The following CAND1 variants were observed in gnomAD, a reference collection of about 807,000 sequenced individuals.
The protein encoded by CAND1 is cullin associated and neddylation dissociated 1.
In CAND1, 7 loss-of-function variants were observed where a neutral mutation model predicts 108.5. The ratio of observed to expected loss-of-function variants is 0.06; its 90% CI spans 0.04 to 0.12. The LOEUF (loss-of-function observed/expected upper bound fraction) is 0.12, where lower values mean the gene tolerates loss of function less well. Among genes scored for constraint, CAND1 ranks in the 10% least tolerant of loss-of-function variants. The pLI is 1.00. For missense variants in CAND1, 941 were observed against 1,448.7 expected, an observed-to-expected ratio of 0.65 and a Z score of 5.69; for synonymous variants, 534 against 512.0, an observed-to-expected ratio of 1.04 and a Z score of -0.58.
chr12:67,297,253 A>G, intron 4 of CAND1, 154 bp from the exon 5 acceptor site: 1 of 753,988 alleles, frequency 1.3e-6, no homozygotes, highest in Non-Finnish European at 2.3e-6. Flanking sequence ...ATTGGTAGAT[A>G]AAGTGATAAT....
At chr12:67,307,885 A>G (rs894763989) in intron 11 of CAND1, among the ~76,000 whole-genome samples, 1 of 151,956 alleles carries the variant, frequency 6.6e-6, no homozygotes, top group Non-Finnish European at 1.5e-5. Flanking sequence ...TTCAATTATT[A>G]CTTCTAACAC....
chr12:67,294,875 G>T, intron 3 of CAND1, 158 bp from the exon 4 acceptor site: 1 of 564,978 alleles, frequency 1.8e-6, no homozygotes. Flanking sequence ...TCATTTTATT[G>T]AAAAGCAGCC....
intron 14 of CAND1, among the ~76,000 whole-genome samples, chr12:67,312,076 A>G (rs937984571): frequency 5.9e-5 from 9 of 152,120 alleles, no homozygotes; most frequent in Non-Finnish European, 1.3e-4. Flanking sequence ...ATCAGGCCAC[A>G]AAAGAGGAAA....
chr12:67,305,775 G>A lies in CAND1; in HGVS notation c.2107G>A (p.Glu703Lys). The A allele has an allele frequency of 1.1e-5, 17 of 1,614,070 alleles. No individual in the cohort carries two copies. Among genetic ancestry groups the A allele is most frequent in the Non-Finnish European group, 1.4e-5 (16 of 1,179,962 alleles). The change falls in exon 10 of 15, where the codon GAA becomes AAA. Residue 703 changes from glutamate (E) to lysine (K), a missense_variant. This residue lies in a region of CAND1 where 697 missense variants were observed against 942.0 expected (regional missense o/e 0.74). Transcript: ENST00000545606. The surrounding 1 kb of genome is among the most constrained non-coding windows in gnomAD (Gnocchi z 4.4). ...AGATGAGCTCCCACCTCTTATCAGCGAAAGTGATATGCATGTTTCACAAAT... is the reference window on the plus strand; with the variant it reads ...AGATGAGCTCCCACCTCTTATCAGCAAAAGTGATATGCATGTTTCACAAAT... The part of the protein sequence containing the change: ...VLDELPPLIS[E>K]SDMHVSQMAI...
At chr12:67,307,551 C>G (rs2044900972) in intron 11 of CAND1, 59 bp downstream of exon 11, 2 of 1,053,746 alleles carry the variant, frequency 1.9e-6, no homozygotes, top group Non-Finnish European at 2.9e-6. Context: ...TCAAGAAACT[C>G]TTGAACTTAG....
At chr12:67,279,865 G>A (rs1008226278) in intron 1 of CAND1, among the ~76,000 whole-genome samples, 2 of 152,270 alleles carry the variant, frequency 1.3e-5, no homozygotes, top group East Asian at 3.9e-4. Flanking sequence ...GTTTTCTCTG[G>A]AAGCAGGTAA....
Position 67,269,440 on chromosome 12 carries a change from T to TA in CAND1, c.-278_-277insA, listed in dbSNP as rs1592597633. 1 of 465,522 alleles carries TA rather than the reference T, an allele frequency of 2.1e-6. No individual in the cohort carries two copies. Among genetic ancestry groups the TA allele is most frequent in the East Asian group, 4.3e-5 (1 of 23,348 alleles). The allele number at this position is 465,522 out of a possible 1,614,324, so 28.8% of individuals were successfully genotyped here. The stretch of plus-strand genomic sequence containing the variant: ...GTGTCTGGCTCCCCGTAGAGGCCCT[T>TA]CTGTACGCCCCGCCGCCCATGAGCT... On this transcript the variant is annotated 5_prime_UTR_variant, in exon 1 of 15. Transcript: ENST00000545606.
chr12:67,314,227 T>C lies in CAND1; in HGVS notation c.*1397T>C, dbSNP rs1269679086. 1 of 152,200 alleles carries C rather than the reference T, an allele frequency of 6.6e-6. No individual in the cohort carries two copies. The highest frequency in any genetic ancestry group is 1.5e-5 in the Non-Finnish European group (1 of 68,000). The allele number at this position is 152,200 out of a possible 1,614,324, so 9.4% of individuals were successfully genotyped here. ...TTTAAGCAATCAGATATTTGAAAAC[T>C]GCACCCTTTAGTTTTGAAACTGTGA... On this transcript the variant is annotated 3_prime_UTR_variant, in exon 15 of 15. Coordinates refer to ENST00000545606, the MANE Select transcript of CAND1 (RefSeq NM_018448.5).
chr12:67,279,082 T>G (rs1056064464), intron 1 of CAND1, among the ~76,000 whole-genome samples: 2 of 151,948 alleles, frequency 1.3e-5, no homozygotes, highest in Non-Finnish European at 2.9e-5. Context: ...TCAGCCTATA[T>G]TCCCATCATC....
At position 67,316,586 on chromosome 12, in the gene CAND1, G is replaced by T. The variant is rs1006230009; in HGVS notation, c.*3756G>T. ...CTTTTTTGGACCCTATAATGCCAGT[G>T]TGTCAGGTTTCAGAATGATATTTAG... On this transcript the variant is annotated 3_prime_UTR_variant, in exon 15 of 15. Transcript: ENST00000545606. 17 of 152,172 alleles carry T rather than the reference G, an allele frequency of 1.1e-4. No individual in the cohort carries two copies. The highest frequency in any genetic ancestry group is 4.1e-4 in the African/African-American group (17 of 41,428). 9.4% of individuals were successfully genotyped at this position (152,172 alleles called of 1,614,324 possible).
chr12:67,297,605 A>C lies in CAND1; in HGVS notation c.690A>C (p.Thr230=). Residue 230 remains threonine (T), a synonymous_variant, in exon 5 of 15, where the codon ACA becomes ACC. Coordinates refer to ENST00000545606, the MANE Select transcript of CAND1 (RefSeq NM_018448.5). ...TGTCCAAAAATGATTCTATGTCAACAACAAGAACCTACATACAATGTATTG... is the reference window on the plus strand; with the variant it reads ...TGTCCAAAAATGATTCTATGTCAACCACAAGAACCTACATACAATGTATTG... ...SELSKNDSMS[T]TRTYIQCIAA... The C allele has an allele frequency of 6.2e-7, 1 of 1,614,086 alleles. No homozygotes were observed. Among genetic ancestry groups the C allele is most frequent in the Non-Finnish European group, 8.5e-7 (1 of 1,179,958 alleles).
intron 2 of CAND1, among the ~76,000 whole-genome samples, chr12:67,289,663 C>T (rs547089137): frequency 7.2e-5 from 11 of 152,272 alleles, no homozygotes; most frequent in African/African-American, 2.4e-4. Flanking sequence ...AATCGTGACT[C>T]GCCACTATTC....
intron 4 of CAND1, 29 bp downstream of exon 4, chr12:67,295,185 C>A: frequency 1.3e-6 from 2 of 1,578,770 alleles, no homozygotes; most frequent in South Asian, 2.3e-5. Context: ...TTCCGTTACT[C>A]GTAATACAGA....
rs979814155 is a variant in CAND1 at position 67,297,461 on chromosome 12, C to T, written c.546C>T (p.Pro182=). The T allele has an allele frequency of 6.2e-7, 1 of 1,613,630 alleles. No individual in the cohort carries two copies. Among genetic ancestry groups the T allele is most frequent in the Non-Finnish European group, 8.5e-7 (1 of 1,179,758 alleles). The change falls in exon 5 of 15, where the codon CCC becomes CCT. Residue 182 remains proline (P), a synonymous_variant. Transcript: ENST00000545606. The stretch of plus-strand genomic sequence containing the variant: ...CTTCAATTCTGACCTGTCTACTTCC[C>T]CAGTTGACCAGCCCTAGACTTGCAG... The part of the protein sequence containing the change: ...FHPSILTCLL[P]QLTSPRLAVR...
chr12:67,309,312 A>T (rs2044924085), intron 11 of CAND1, among the ~76,000 whole-genome samples: 1 of 151,866 alleles, frequency 6.6e-6, no homozygotes, highest in African/African-American at 2.4e-5. Context: ...CTTTTGTCCT[A>T]TGTTAGCTTT....
At position 67,305,546 on chromosome 12, in the gene CAND1, A is replaced by C. The variant is rs1452592598; in HGVS notation, c.1878A>C (p.Leu626Phe). 1 of 1,614,038 alleles carries C rather than the reference A, an allele frequency of 6.2e-7. No homozygotes were observed. Among genetic ancestry groups the C allele is most frequent in the African/African-American group, 1.3e-5 (1 of 74,930 alleles). ...LERLKNEITR[L>F]TTVKALTLIA... Reference sequence around the variant, plus strand: ...GACTAAAGAATGAAATTACCAGGTTAACTACAGTAAAGGCATTGACACTGA... The same window carrying C: ...GACTAAAGAATGAAATTACCAGGTTCACTACAGTAAAGGCATTGACACTGA... The change falls in exon 10 of 15, where the codon TTA becomes TTC. Residue 626 changes from leucine (L) to phenylalanine (F), a missense_variant. By Grantham distance (22) the Leu-to-Phe change is conservative. Around this residue, in one of 9 missense-constraint regions of CAND1, gnomAD observed 697 missense variants for 942.0 expected, o/e 0.74. Coordinates refer to ENST00000545606, the MANE Select transcript of CAND1 (RefSeq NM_018448.5). The surrounding 1 kb of genome is among the most constrained non-coding windows in gnomAD (Gnocchi z 4.4).
chr12:67,276,750 C>T (rs7307353), intron 1 of CAND1, among the ~76,000 whole-genome samples: 28,844 of 152,212 alleles, frequency 0.19, 5,662 homozygotes, highest in African/African-American at 0.5. Flanking sequence ...AGCATCAGAT[C>T]GGTTAGTAAT....
intron 2 of CAND1, among the ~76,000 whole-genome samples, chr12:67,283,582 CAA>C (rs376419534): frequency 3.2e-4 from 28 of 88,494 alleles, no homozygotes; most frequent in Admixed American, 3.9e-4. Context: ...GACTGTGTCT[CAA>C]AAAAAAAAAA....
Position 67,297,856 on chromosome 12 carries a change from A to G in CAND1, c.854+3A>G. On this transcript the variant is annotated splice_donor_region_variant and intron_variant, in intron 6 of 14. Coordinates refer to ENST00000545606, the MANE Select transcript of CAND1 (RefSeq NM_018448.5). ...GCCTTTGAATCATTTGTAAGAAGGT[A>G]AGTTTTTAAGATCTCTATTTTTTAC... 3 of 1,524,590 alleles carry G rather than the reference A, an allele frequency of 2.0e-6. No individual in the cohort carries two copies. Among genetic ancestry groups the G allele is most frequent in the Non-Finnish European group, 2.7e-6 (3 of 1,110,212 alleles). The allele number at this position is 1,524,590 out of a possible 1,614,324, so 94.4% of individuals were successfully genotyped here.
Sources: gnomAD v4.1 joint callset for allele counts (sites outside exome capture counted in the v4.1 genomes callset) on GRCh38, gnomAD v4.1.1 for gene constraint, gnomAD v4.1.1 regional missense constraint, Gnocchi (gnomAD v3.1) non-coding constraint, MANE v1.5 for transcripts, NCBI Gene and HGNC (gene_info 2026-07-23, HGNC 2026-07-21) for gene names.